Variants in B3GALNT2 observed in about 807,000 individuals in gnomAD.
B3GALNT2 encodes the protein UDP-GalNAc:beta-1,3-N-acetylgalactosaminyltransferase 2.
B3GALNT2 carries 53 observed loss-of-function variants against 61.1 expected under a neutral mutation model. The ratio of observed to expected loss-of-function variants is 0.87; its 90% CI spans 0.70 to 1.09. The LOEUF (loss-of-function observed/expected upper bound fraction) is 1.09, where lower values mean the gene tolerates loss of function less well. Among genes scored for constraint, B3GALNT2 ranks in the 50% least tolerant of loss-of-function variants. B3GALNT2 has a pLI of 0.00. For synonymous variants in B3GALNT2, 223 were observed against 237.4 expected (o/e 0.94, Z 0.56); for missense variants, 544 against 623.0 (o/e 0.87, Z 1.35).
At chr1:235,474,507 A>G (rs1435453128) in intron 5 of B3GALNT2, among the ~76,000 whole-genome samples, 1 of 152,124 alleles carries the variant, frequency 6.6e-6, no homozygotes, top group Non-Finnish European at 1.5e-5. Flanking sequence ...ATATATAAAG[A>G]ATTTCAACCT....
rs1274572513 is a variant in B3GALNT2, at chr1:235,474,964, TATATATATATATATATATATATA to T, written c.652-4027_652-4005del. ...AAAATTAGAGACATATATATATATA[TATATATATATATATATATATATA>T]TTTTTTTTTTTTTTTTTTTTTTTGA... On this transcript the variant is annotated intron_variant, in intron 5 of 11. Transcript: ENST00000366600. Among the ~76,000 whole-genome samples, 126 of 25,524 alleles carry T rather than the reference TATATATATATATATATATATATA, an allele frequency of 4.9e-3. 2 individuals are homozygous for T. Among genetic ancestry groups the T allele is most frequent in the East Asian group, 0.018 (14 of 780 alleles). The allele number at this position is 25,524 out of a possible 152,430, so 16.7% of individuals were successfully genotyped here. A position where few individuals can be genotyped will look rare whatever the true frequency, so the allele number is the denominator to read the frequency against.
chr1:235,496,540 CTTGT>C (rs1443594906), intron 1 of B3GALNT2, among the ~76,000 whole-genome samples: 6 of 148,292 alleles, frequency 4.0e-5, no homozygotes, highest in Non-Finnish European at 5.9e-5. Flanking sequence ...GAGGTAGGTA[CTTGT>C]TTCTTTTTTT....
rs373792377 is a variant in B3GALNT2 at position 235,467,483 on chromosome 1, CTT to C, written c.763-1771_763-1770del. Among the ~76,000 whole-genome samples, 625 of 116,582 alleles carry C rather than the reference CTT, an allele frequency of 5.4e-3. 2 individuals carry two copies. Among genetic ancestry groups the C allele is most frequent in the African/African-American group, 0.018 (506 of 28,330 alleles). 76.5% of individuals were successfully genotyped at this position (116,582 alleles called of 152,430 possible). A position where few individuals can be genotyped will look rare whatever the true frequency, so the allele number is the denominator to read the frequency against. ...GCTTTATTTGTTATTTACTTATTTA[CTT>C]TTTTTTTTTTTTTTTTGAGACGAAG... is the stretch of plus-strand genomic sequence containing the variant. On this transcript the variant is annotated intron_variant, in intron 6 of 11. Transcript: ENST00000366600.
intron 7 of B3GALNT2, among the ~76,000 whole-genome samples, chr1:235,459,381 G>A (rs973807701): frequency 2.6e-5 from 4 of 152,170 alleles, no homozygotes; most frequent in African/African-American, 7.2e-5. Context: ...CCAGCACTCC[G>A]TGAAGCCGAG....
chr1:235,468,450 CTTTTT>C (rs58494716), intron 6 of B3GALNT2, among the ~76,000 whole-genome samples: 1 of 87,388 alleles, frequency 1.1e-5, no homozygotes, highest in African/African-American at 5.1e-5. Context: ...AGAAACCTAC[CTTTTT>C]TTTTTTTTTT....
chr1:235,456,645 C>T (rs960138199), intron 8 of B3GALNT2, among the ~76,000 whole-genome samples: 4 of 151,996 alleles, frequency 2.6e-5, no homozygotes, highest in African/African-American at 4.8e-5. Context: ...GCTATGGGGA[C>T]GCAGGTCCCA....
chr1:235,457,804 A>G (rs943599472), intron 8 of B3GALNT2, among the ~76,000 whole-genome samples: 1 of 152,208 alleles, frequency 6.6e-6, no homozygotes, highest in African/African-American at 2.4e-5. Context: ...GGGTATAAAT[A>G]CAACTAAAAA....
At chr1:235,495,055 G>A (rs764769148) in intron 1 of B3GALNT2, among the ~76,000 whole-genome samples, 3 of 152,140 alleles carry the variant, frequency 2.0e-5, no homozygotes, top group Non-Finnish European at 2.9e-5. Flanking sequence ...ATGTATTCAT[G>A]CTCACGTAAG....
chr1:235,476,749 C>A (rs1403959128), intron 5 of B3GALNT2, among the ~76,000 whole-genome samples: 3 of 151,384 alleles, frequency 2.0e-5, no homozygotes, highest in Non-Finnish European at 2.9e-5. Context: ...ACTTGAGAGG[C>A]TGGGGCAGGA....
downstream of B3GALNT2, among the ~76,000 whole-genome samples, chr1:235,444,367 C>T (rs1317906693): frequency 6.6e-6 from 1 of 152,160 alleles, no homozygotes; most frequent in East Asian, 1.9e-4. Flanking sequence ...CTGGTGGAGA[C>T]AGACTAGTCA....
In B3GALNT2 at chr1:235,504,382, A is replaced by G. The variant is rs1270211733; in HGVS notation, c.-130T>C. ...AGCACGCCCGCCCTCGCGCTCGGCGACGTCTGGGGGGCTCCTCGCAGCTCC... is the reference window on the plus strand; with the variant it reads ...AGCACGCCCGCCCTCGCGCTCGGCGGCGTCTGGGGGGCTCCTCGCAGCTCC... On this transcript the variant is annotated 5_prime_UTR_variant, in exon 1 of 12. Transcript: ENST00000366600. 1.6e-5 allele frequency: 17 copies of G among 1,058,534 alleles called. No homozygotes were observed. Among genetic ancestry groups the G allele is most frequent in the Non-Finnish European group, 2.2e-5 (17 of 790,220 alleles). 65.6% of individuals were successfully genotyped at this position (1,058,534 alleles called of 1,614,324 possible).
At chr1:235,490,324 A>AG (rs1182783485) in intron 2 of B3GALNT2, among the ~76,000 whole-genome samples, 1 of 152,086 alleles carries the variant, frequency 6.6e-6, no homozygotes, top group African/African-American at 2.4e-5. Flanking sequence ...TCCACCTTTC[A>AG]GGTTCAAGTG....
Position 235,448,991 on chromosome 1 carries a change from AT to A in B3GALNT2, c.*1214del. 2.2e-6 allele frequency: 1 copy of A among 454,238 alleles called. No homozygotes were observed. The highest frequency in any genetic ancestry group is 4.1e-6 in the Non-Finnish European group (1 of 246,708). 28.1% of individuals were successfully genotyped at this position (454,238 alleles called of 1,614,324 possible). ...TAATGATTTTCTGATCTTATTTCAT[AT>A]TTATTTTTACAGCTCATCACTGCAT... On this transcript the variant is annotated 3_prime_UTR_variant, in exon 12 of 12. Transcript: ENST00000366600.
At chr1:235,500,718 A>C (rs1186446166) in intron 1 of B3GALNT2, among the ~76,000 whole-genome samples, 1 of 152,196 alleles carries the variant, frequency 6.6e-6, no homozygotes, top group Non-Finnish European at 1.5e-5. Context: ...ACACTAGCAC[A>C]GGCATCAGCG....
rs183385984 is a variant in B3GALNT2, at chr1:235,447,543, G to A, written c.*2663C>T. On this transcript the variant is annotated 3_prime_UTR_variant, in exon 12 of 12. Coordinates refer to ENST00000366600, the MANE Select transcript of B3GALNT2 (RefSeq NM_152490.5). The stretch of plus-strand genomic sequence containing the variant: ...ACACATGATGTAATTACAGAATGGC[G>A]GCGCTGGAAGGGACCTTGTAGATCA... 2.6e-5 allele frequency among the ~76,000 whole-genome samples: 4 copies of A among 152,200 alleles called. No individual in the cohort carries two copies. Among genetic ancestry groups the A allele is most frequent in the East Asian group, 1.9e-4 (1 of 5,186 alleles).
chr1:235,493,323 AG>A (rs1685168293), intron 2 of B3GALNT2, among the ~76,000 whole-genome samples: 1 of 152,218 alleles, frequency 6.6e-6, no homozygotes, highest in African/African-American at 2.4e-5. Context: ...GAAATACTAC[AG>A]GAAGTACAGC....
intron 6 of B3GALNT2, among the ~76,000 whole-genome samples, chr1:235,467,120 G>A (rs547687419): frequency 3.3e-5 from 5 of 152,210 alleles, no homozygotes; most frequent in African/African-American, 9.6e-5. Context: ...AGGCGGAGGC[G>A]GGCGGATCAC....
At chr1:235,489,128 T>C in intron 3 of B3GALNT2, 40 bp downstream of exon 3, 2 of 1,607,332 alleles carry the variant, frequency 1.2e-6, no homozygotes, top group Non-Finnish European at 1.7e-6. Context: ...TTACTCAACA[T>C]CAAGCTTGTG....
At chr1:235,445,608 C>G (rs1682202842), downstream of B3GALNT2, among the ~76,000 whole-genome samples, 1 of 152,032 alleles carries the variant, frequency 6.6e-6, no homozygotes. Flanking sequence ...TGCAATCTGG[C>G]CTGGGTGACA....
Sources: allele counts gnomAD v4.1 joint callset (sites outside exome capture counted in the v4.1 genomes callset), GRCh38; gene constraint gnomAD v4.1.1; transcripts MANE v1.5; gene names NCBI Gene and HGNC (gene_info 2026-07-23, HGNC 2026-07-21).